WWOX: variants seen among roughly 807,000 people sequenced by gnomAD.
WWOX encodes the protein WW domain-containing oxidoreductase.
Under a neutral mutation model 46.2 loss-of-function variants are expected in WWOX, and 69 were observed. The ratio of observed to expected loss-of-function variants is 1.49; its 90% CI spans 1.23 to 1.82. The LOEUF is 1.82. Ranked by LOEUF, WWOX falls within the 40% of genes most tolerant of loss-of-function variation. The pLI, the probability that WWOX is intolerant of heterozygous loss-of-function variation, is 0.00. For missense variants in WWOX, 919 were observed against 542.6 expected (o/e 1.69, Z -6.89); for synonymous variants, 359 against 202.6 (o/e 1.77, Z -6.56).
At chr16:78,708,385 C>T (rs1043215642) in intron 8 of WWOX, among the ~76,000 whole-genome samples, 1 of 152,138 alleles carries the variant, frequency 6.6e-6, no homozygotes, top group African/African-American at 2.4e-5. Context: ...TTTTTATTTG[C>T]TAGACGTAGC....
intron 8 of WWOX, among the ~76,000 whole-genome samples, chr16:78,476,619 TA>T (rs5818142): frequency 0.73 from 110,947 of 151,054 alleles, 42,410 homozygotes; most frequent in East Asian, 0.95. Flanking sequence ...AAATACATAT[TA>T]AAAAAAAAAA....
chr16:79,180,169 C>T (rs35603254), intron 8 of WWOX, among the ~76,000 whole-genome samples: 15,247 of 152,142 alleles, frequency 0.1, 910 homozygotes, highest in South Asian at 0.26. Flanking sequence ...ATCAAAACGA[C>T]GCTGGTGCCT....
chr16:79,019,958 G>A (rs532532073), intron 8 of WWOX, among the ~76,000 whole-genome samples: 68 of 152,276 alleles, frequency 4.5e-4, no homozygotes, highest in African/African-American at 1.1e-3. Flanking sequence ...GCACACAGCC[G>A]TGATCAGTTA....
intron 8 of WWOX, among the ~76,000 whole-genome samples, chr16:78,989,816 G>A (rs2046848074): frequency 8.2e-6 from 1 of 122,516 alleles, no homozygotes; most frequent in Non-Finnish European, 1.7e-5. Context: ...GAGGTGGTGT[G>A]TGAGCGTGTG....
At chr16:78,293,813 T>C (rs934485006) in intron 5 of WWOX, among the ~76,000 whole-genome samples, 11 of 151,538 alleles carry the variant, frequency 7.3e-5, no homozygotes, top group Non-Finnish European at 1.6e-4. Context: ...CTGTCTCTAC[T>C]AAAAATACAA....
chr16:78,560,164 C>G (rs973620061), intron 8 of WWOX, among the ~76,000 whole-genome samples: 2 of 152,112 alleles, frequency 1.3e-5, no homozygotes, highest in Non-Finnish European at 2.9e-5. Context: ...GGGCTTTTCT[C>G]CAGCTAGTAG....
intron 8 of WWOX, among the ~76,000 whole-genome samples, chr16:78,944,452 A>G (rs2045911327): frequency 6.6e-6 from 1 of 152,194 alleles, no homozygotes; most frequent in African/African-American, 2.4e-5. Context: ...AAATATCACA[A>G]TATGATACTC....
intron 8 of WWOX, among the ~76,000 whole-genome samples, chr16:79,060,357 T>G (rs941759340): frequency 6.6e-6 from 1 of 152,268 alleles, no homozygotes; most frequent in Non-Finnish European, 1.5e-5. Context: ...AGTGAGGCTT[T>G]TGGCCACTGG....
chr16:78,988,809 C>G (rs140564278), intron 8 of WWOX, among the ~76,000 whole-genome samples: 3 of 152,316 alleles, frequency 2.0e-5, no homozygotes, highest in East Asian at 3.9e-4. Flanking sequence ...CCTGTCCTTT[C>G]TCAGCCGTGG....
At chr16:78,860,879 C>G (rs971235875) in intron 8 of WWOX, among the ~76,000 whole-genome samples, 1 of 152,170 alleles carries the variant, frequency 6.6e-6, no homozygotes, top group African/African-American at 2.4e-5. Flanking sequence ...CTCTGTCACC[C>G]AGGCTAGAGT....
At chr16:78,573,436 G>A (rs1405620728) in intron 8 of WWOX, among the ~76,000 whole-genome samples, 2 of 152,288 alleles carry the variant, frequency 1.3e-5, no homozygotes, top group East Asian at 3.9e-4. Flanking sequence ...TAAGAATGTG[G>A]TATTACACCC....
At chr16:78,837,720 C>A (rs1030242071) in intron 8 of WWOX, among the ~76,000 whole-genome samples, 1 of 152,112 alleles carries the variant, frequency 6.6e-6, no homozygotes, top group African/African-American at 2.4e-5. Flanking sequence ...AAGTGAATTT[C>A]TATTTATTAT....
At chr16:78,359,544 A>T (rs2081365510) in intron 5 of WWOX, among the ~76,000 whole-genome samples, 1 of 152,198 alleles carries the variant, frequency 6.6e-6, no homozygotes, top group African/African-American at 2.4e-5. Flanking sequence ...AGATAAAAAG[A>T]CTTAAAATGA....
chr16:78,450,274 G>C (rs1164649834), intron 8 of WWOX, among the ~76,000 whole-genome samples: 1 of 152,096 alleles, frequency 6.6e-6, no homozygotes, highest in Middle Eastern at 3.2e-3. Context: ...CATATGATGG[G>C]ATCTCTTGAA....
At chr16:78,463,537 T>A (rs909961765) in intron 8 of WWOX, among the ~76,000 whole-genome samples, 1 of 152,190 alleles carries the variant, frequency 6.6e-6, no homozygotes, top group South Asian at 2.1e-4. Flanking sequence ...TTGTATTGTT[T>A]TGAGTAGGAT....
chr16:78,146,573 T>G (rs1264973524), intron 4 of WWOX, among the ~76,000 whole-genome samples: 1 of 152,140 alleles, frequency 6.6e-6, no homozygotes, highest in African/African-American at 2.4e-5. Flanking sequence ...AGGTATAGAT[T>G]TCAAAATTGG....
At chr16:78,256,628 A>G (rs1490088098) in intron 5 of WWOX, among the ~76,000 whole-genome samples, 6 of 151,974 alleles carry the variant, frequency 3.9e-5, no homozygotes, top group African/African-American at 1.4e-4. Flanking sequence ...TGGGAAGAAT[A>G]GTGTCTGCCA....
intron 8 of WWOX, among the ~76,000 whole-genome samples, chr16:78,471,731 A>C (rs1286595473): frequency 2.0e-5 from 3 of 152,224 alleles, no homozygotes; most frequent in African/African-American, 4.8e-5. Context: ...TAGTCCCTGA[A>C]CATCATTTGG....
intron 8 of WWOX, among the ~76,000 whole-genome samples, chr16:78,639,401 T>G (rs1417751942): frequency 6.6e-6 from 1 of 152,132 alleles, no homozygotes; most frequent in African/African-American, 2.4e-5. Flanking sequence ...AATTATTCTC[T>G]CACTTTGCAG....
Sources: allele counts gnomAD v4.1 joint callset (sites outside exome capture counted in the v4.1 genomes callset), GRCh38; gene constraint gnomAD v4.1.1; transcripts MANE v1.5; gene names NCBI Gene and HGNC (gene_info 2026-07-23, HGNC 2026-07-21).